The following EPHA6 variants were observed in gnomAD, a reference collection of about 807,000 sequenced individuals.
EPHA6 encodes the protein EPH receptor A6.
Under a neutral mutation model 112.0 loss-of-function variants are expected in EPHA6, and 50 were observed. The ratio of observed to expected loss-of-function variants is 0.45; its 90% CI spans 0.36 to 0.56. The LOEUF (loss-of-function observed/expected upper bound fraction) is 0.56. EPHA6 is among the 20% of genes least tolerant of loss of function. EPHA6 has a pLI of 0.00. For missense variants in EPHA6, 1,280 were observed against 1,417.4 expected (o/e 0.90, Z 1.56); for synonymous variants, 529 against 490.7 (o/e 1.08, Z -1.03).
chr3:97,605,763 G>C (rs2093676317), intron 12 of EPHA6, among the ~76,000 whole-genome samples: 1 of 151,570 alleles, frequency 6.6e-6, no homozygotes, highest in Admixed American at 6.6e-5. Context: ...TTTTAGAATA[G>C]TTTAATTCTG....
intron 2 of EPHA6, among the ~76,000 whole-genome samples, chr3:96,875,651 T>C (rs2036899236): frequency 6.6e-6 from 1 of 151,420 alleles, no homozygotes; most frequent in African/African-American, 2.4e-5. Flanking sequence ...ATGTATGGAA[T>C]TCATTTTTCA....
chr3:97,492,282 C>T (rs2091859931), intron 10 of EPHA6, among the ~76,000 whole-genome samples: 1 of 151,802 alleles, frequency 6.6e-6, no homozygotes, highest in Non-Finnish European at 1.5e-5. Flanking sequence ...GTGGCTCACA[C>T]CTGTAATCCC....
intron 6 of EPHA6, among the ~76,000 whole-genome samples, chr3:97,437,736 A>G (rs2089924594): frequency 6.6e-6 from 1 of 152,082 alleles, no homozygotes; most frequent in Admixed American, 6.6e-5. Flanking sequence ...TCCTGGCCTC[A>G]AGTGATTCTT....
chr3:97,404,847 C>G (rs948967088), intron 5 of EPHA6, among the ~76,000 whole-genome samples: 2 of 152,060 alleles, frequency 1.3e-5, no homozygotes, highest in Non-Finnish European at 2.9e-5. Flanking sequence ...TGTTATAGCT[C>G]AAGACCAAAA....
chr3:96,814,682 C>T lies in EPHA6; in HGVS notation c.59C>T (p.Ser20Phe). The change falls in exon 1 of 18, where the codon TCC becomes TTC. Residue 20 changes from serine to phenylalanine, a missense_variant. Coordinates refer to ENST00000389672, the MANE Select transcript of EPHA6 (RefSeq NM_001080448.3). ...RSSPAPQAAS[S>F]SEAAAPATGQ... ...TCCCCGGCGCCGCAGGCAGCGTCCT[C>T]CTCCGAAGCAGCTGCACCTGCAACT... 2 of 1,492,074 alleles carry T rather than the reference C, an allele frequency of 1.3e-6. No individual in the cohort carries two copies. The highest frequency in any genetic ancestry group is 1.4e-5 in the South Asian group (1 of 72,188). The allele number at this position is 1,492,074 out of a possible 1,614,324, so 92.4% of individuals were successfully genotyped here.
chr3:97,174,651 G>A (rs1301072392), intron 3 of EPHA6, among the ~76,000 whole-genome samples: 1 of 151,792 alleles, frequency 6.6e-6, no homozygotes, highest in Non-Finnish European at 1.5e-5. Flanking sequence ...ATGATCAGTG[G>A]TATTGAGCAC....
At chr3:97,239,712 G>A (rs544765980) in intron 4 of EPHA6, among the ~76,000 whole-genome samples, 1 of 151,872 alleles carries the variant, frequency 6.6e-6, no homozygotes, top group East Asian at 1.9e-4. Flanking sequence ...TGTTCTTTCT[G>A]TCTCAGGGGA....
intron 5 of EPHA6, among the ~76,000 whole-genome samples, chr3:97,265,114 G>A (rs773840330): frequency 6.6e-5 from 10 of 152,214 alleles, no homozygotes; most frequent in Non-Finnish European, 1.3e-4. Context: ...CTAACCCTGG[G>A]GCTTTTATGG....
intron 1 of EPHA6, among the ~76,000 whole-genome samples, chr3:96,861,421 A>T (rs1485583833): frequency 2.0e-5 from 3 of 151,966 alleles, no homozygotes; most frequent in Non-Finnish European, 4.4e-5. Flanking sequence ...GAAGAAAAGT[A>T]ATTTTTTATT....
chr3:97,156,160 A>C (rs1056280203), intron 3 of EPHA6, among the ~76,000 whole-genome samples: 1 of 152,184 alleles, frequency 6.6e-6, no homozygotes, highest in African/African-American at 2.4e-5. Context: ...GAAAATTGAA[A>C]TAATACTGGT....
rs904324205 is a variant in EPHA6, at chr3:97,748,626, G to A, written c.3318G>A (p.Gln1106=). The A allele has an allele frequency of 6.2e-6, 10 of 1,612,162 alleles. No homozygotes were observed. The highest frequency in any genetic ancestry group is 8.5e-6 in the Non-Finnish European group (10 of 1,178,544). Residue 1106 remains glutamine, a synonymous_variant, in exon 18 of 18, where the codon CAG becomes CAA. Transcript: ENST00000389672. ...TTGGAGTCATACTTATTGGACACCAGAGACGAATAGTCAGCAGCATACAGA... is the reference window on the plus strand; with the variant it reads ...TTGGAGTCATACTTATTGGACACCAAAGACGAATAGTCAGCAGCATACAGA... ...RRIGVILIGH[Q]RRIVSSIQTL...
At chr3:97,326,920 A>C (rs1309821136) in intron 5 of EPHA6, among the ~76,000 whole-genome samples, 1 of 152,110 alleles carries the variant, frequency 6.6e-6, no homozygotes, top group Non-Finnish European at 1.5e-5. Context: ...AATATTGTGT[A>C]GCAAAACTTT....
Position 97,450,810 on chromosome 3 carries a change from T to G in EPHA6, c.1894+2080T>G, listed in dbSNP as rs113231360. Among the ~76,000 whole-genome samples, 843 of 152,138 alleles carry G rather than the reference T, an allele frequency of 5.5e-3. 11 individuals carry two copies. Among genetic ancestry groups the G allele is most frequent in the African/African-American group, 0.02 (813 of 41,536 alleles). ...AATAGCCTATGCCTTCAAACAAGTTTCAGTCTGTATTTCTGTGAGGAAAAT... is the reference window on the plus strand; with the variant it reads ...AATAGCCTATGCCTTCAAACAAGTTGCAGTCTGTATTTCTGTGAGGAAAAT... On this transcript the variant is annotated intron_variant, in intron 7 of 17. Coordinates refer to ENST00000389672, the MANE Select transcript of EPHA6 (RefSeq NM_001080448.3).
intron 3 of EPHA6, among the ~76,000 whole-genome samples, chr3:97,045,002 A>G (rs2045453035): frequency 6.6e-6 from 1 of 152,116 alleles, no homozygotes; most frequent in African/African-American, 2.4e-5. Context: ...TTTATTGTGA[A>G]GTATTATATC....
intron 2 of EPHA6, among the ~76,000 whole-genome samples, chr3:96,960,970 A>G (rs1201805694): frequency 6.6e-6 from 1 of 152,174 alleles, no homozygotes; most frequent in African/African-American, 2.4e-5. Context: ...TTGCCAGTTC[A>G]TATTAGCCAG....
chr3:97,091,925 T>A (rs2047078693), intron 3 of EPHA6, among the ~76,000 whole-genome samples: 3 of 151,912 alleles, frequency 2.0e-5, no homozygotes, highest in African/African-American at 7.3e-5. Flanking sequence ...GTATCTGGCC[T>A]GAACATTTGC....
At chr3:97,358,808 AG>A (rs1323340518) in intron 5 of EPHA6, among the ~76,000 whole-genome samples, 6 of 152,064 alleles carry the variant, frequency 3.9e-5, no homozygotes, top group Admixed American at 3.9e-4. Flanking sequence ...TTACTTTTGA[AG>A]GACACTTTTG....
intron 3 of EPHA6, among the ~76,000 whole-genome samples, chr3:97,018,987 G>A (rs572319689): frequency 6.6e-6 from 1 of 152,262 alleles, no homozygotes; most frequent in South Asian, 2.1e-4. Flanking sequence ...CTGTCTTCTG[G>A]TCACTCCTCA....
intron 3 of EPHA6, among the ~76,000 whole-genome samples, chr3:97,065,428 T>A (rs2108136964): frequency 6.6e-6 from 1 of 152,234 alleles, no homozygotes; most frequent in Admixed American, 6.5e-5. Flanking sequence ...CCTTTTATTT[T>A]AAAATAAAAC....
Sources: gnomAD v4.1 joint callset for allele counts (sites outside exome capture counted in the v4.1 genomes callset) on GRCh38, gnomAD v4.1.1 for gene constraint, MANE v1.5 for transcripts, NCBI Gene and HGNC (gene_info 2026-07-23, HGNC 2026-07-21) for gene names.